The following ZNF773 variants were observed in gnomAD, a reference collection of about 807,000 sequenced individuals.
ZNF773 encodes the protein zinc finger protein 419B.
Under a neutral mutation model 12.8 loss-of-function variants are expected in ZNF773, and 11 were observed. The ratio of observed to expected loss-of-function variants is 0.86; its 90% confidence interval spans 0.54 to 1.42. The LOEUF (loss-of-function observed/expected upper bound fraction) is 1.42. ZNF773 is among the 40% of genes most tolerant of loss of function. ZNF773 has a pLI of 0.00. For missense variants in ZNF773, 518 were observed against 527.2 expected, an observed-to-expected ratio of 0.98 and a Z score of 0.17; for synonymous variants, 175 against 178.4, an observed-to-expected ratio of 0.98 and a Z score of 0.15.
chr19:57,501,221 G>C (rs780530284), intron 1 of ZNF773, among the ~76,000 whole-genome samples: 5 of 152,056 alleles, frequency 3.3e-5, no homozygotes, highest in Non-Finnish European at 5.9e-5. Flanking sequence ...GTCTTCAGGG[G>C]AGTATATAGC....
intron 1 of ZNF773, 32 bp from the exon 2 acceptor site, chr19:57,504,625 A>G (rs760286410): frequency 5.6e-6 from 9 of 1,611,102 alleles, no homozygotes; most frequent in East Asian, 2.2e-5. Context: ...CAGTAAGGAG[A>G]CCGCAGATAA....
At chr19:57,502,830 A>G (rs1472124471) in intron 1 of ZNF773, among the ~76,000 whole-genome samples, 2 of 152,236 alleles carry the variant, frequency 1.3e-5, no homozygotes, top group East Asian at 3.9e-4. Flanking sequence ...AGCTGGGACT[A>G]CAGGCACCTG....
intron 3 of ZNF773, 41 bp from the exon 4 acceptor site, chr19:57,506,317 C>A: frequency 6.4e-7 from 1 of 1,571,448 alleles, no homozygotes; most frequent in South Asian, 1.2e-5. Flanking sequence ...CTTCTCACAC[C>A]AAAGACTACA....
chr19:57,499,947 GGCGACCA>G lies in ZNF773; in HGVS notation c.-131_-125del, dbSNP rs2089648255. On this transcript the variant is annotated 5_prime_UTR_variant, in exon 1 of 4. Transcript: ENST00000282292. Reference sequence around the variant, plus strand: ...TTGCCGGAAGCTGGTTGTTCGCTGCGGCGACCAGCTCCGGAAAGCGCGGTGGGGACGC... The same window carrying G: ...TTGCCGGAAGCTGGTTGTTCGCTGCGGCTCCGGAAAGCGCGGTGGGGACGC... 1.6e-6 allele frequency: 2 copies of G among 1,224,760 alleles called. No homozygotes were observed. Among genetic ancestry groups the G allele is most frequent in the Non-Finnish European group, 2.2e-6 (2 of 906,328 alleles). 75.9% of individuals were successfully genotyped at this position (1,224,760 alleles called of 1,614,324 possible).
chr19:57,506,166 A>C (rs893001007), intron 3 of ZNF773, among the ~76,000 whole-genome samples, 192 bp from the exon 4 acceptor site: 6 of 152,100 alleles, frequency 3.9e-5, no homozygotes, highest in African/African-American at 1.2e-4. Context: ...CTTGGTGCTC[A>C]TGAGGCCTCC....
downstream of ZNF773, among the ~76,000 whole-genome samples, chr19:57,512,273 A>G (rs2089801349): frequency 6.6e-6 from 1 of 152,156 alleles, no homozygotes; most frequent in Admixed American, 6.6e-5. Flanking sequence ...TGTAGGTACT[A>G]TTTTATCATT....
intron 1 of ZNF773, among the ~76,000 whole-genome samples, chr19:57,501,518 G>A (rs2089670434): frequency 1.3e-5 from 2 of 152,108 alleles, no homozygotes; most frequent in Non-Finnish European, 2.9e-5. Context: ...TAGTCCTATT[G>A]AGTGAATACC....
At chr19:57,501,203 G>C (rs1416599649) in intron 1 of ZNF773, among the ~76,000 whole-genome samples, 1 of 152,084 alleles carries the variant, frequency 6.6e-6, no homozygotes, top group Non-Finnish European at 1.5e-5. Context: ...AGGGCTCTCA[G>C]CAGGATGGTC....
downstream of ZNF773, chr19:57,513,083 A>C: frequency 6.6e-7 from 1 of 1,517,952 alleles, no homozygotes; most frequent in Admixed American, 2.1e-5. Flanking sequence ...GGTCTGCTGG[A>C]GCAGAGAAAG....
At position 57,504,935 on chromosome 19, in the gene ZNF773, C is replaced by T; in HGVS notation, c.163+149C>T. ...AAGTAGCTATTGTAATAGGCCTGGG[C>T]TGTGTATACTACCACCTTCTCTCCC... On this transcript the variant is annotated intron_variant, in intron 2 of 3. Coordinates refer to ENST00000282292, the MANE Select transcript of ZNF773 (RefSeq NM_198542.3). The T allele has an allele frequency of 2.4e-6, 3 of 1,238,256 alleles. No homozygotes were observed. In the South Asian group the frequency reaches 3.8e-5, roughly 16 times the overall value. 76.7% of individuals were successfully genotyped at this position (1,238,256 alleles called of 1,614,324 possible).
chr19:57,514,783 G>A (rs571595243), downstream of ZNF773: 26 of 152,098 alleles, frequency 1.7e-4, no homozygotes, highest in Non-Finnish European at 2.9e-4. Context: ...GGGAAATGTC[G>A]ACTGCATGGC....
Position 57,506,811 on chromosome 19 carries a change from T to G in ZNF773, c.716T>G (p.Ile239Arg). 1.2e-6 allele frequency: 2 copies of G among 1,614,088 alleles called. No individual in the cohort carries two copies. Among genetic ancestry groups the G allele is most frequent in the Non-Finnish European group, 8.5e-7 (1 of 1,180,012 alleles). Residue 239 changes from isoleucine to arginine, a missense_variant, in exon 4 of 4, where the codon ATA becomes AGA. Transcript: ENST00000282292. ...AAGTCCAACCTTTTTATACACCAAA[T>G]AGTTCACACTGGAGAAAGGCCTTAT... The part of the protein sequence containing the change: ...SHKSNLFIHQ[I>R]VHTGERPYGC...
chr19:57,515,616 A>C (rs1315230027), downstream of ZNF773: 1 of 152,222 alleles, frequency 6.6e-6, no homozygotes, highest in Non-Finnish European at 1.5e-5. Context: ...GTCTGATGAC[A>C]TTGTCTGTCA....
rs1568577012 is a variant in ZNF773 at position 57,499,954 on chromosome 19, A to C, written c.-127A>C. The stretch of plus-strand genomic sequence containing the variant: ...AAGCTGGTTGTTCGCTGCGGCGACC[A>C]GCTCCGGAAAGCGCGGTGGGGACGC... On this transcript the variant is annotated 5_prime_UTR_variant, in exon 1 of 4. Coordinates refer to ENST00000282292, the MANE Select transcript of ZNF773 (RefSeq NM_198542.3). 5 of 1,283,018 alleles carry C rather than the reference A, an allele frequency of 3.9e-6. No homozygotes were observed. In the East Asian group the frequency reaches 1.4e-4, roughly 36 times the overall value. 79.5% of individuals were successfully genotyped at this position (1,283,018 alleles called of 1,614,324 possible). A position where few individuals can be genotyped will look rare whatever the true frequency, so the allele number is the denominator to read the frequency against.
chr19:57,502,252 G>A (rs2089679284), intron 1 of ZNF773, among the ~76,000 whole-genome samples: 1 of 152,116 alleles, frequency 6.6e-6, no homozygotes, highest in Non-Finnish European at 1.5e-5. Flanking sequence ...CAGATTATAT[G>A]TTATATGGAG....
intron 1 of ZNF773, among the ~76,000 whole-genome samples, chr19:57,501,443 A>G (rs907690937): frequency 1.0e-5 from 1 of 95,946 alleles, no homozygotes; most frequent in Non-Finnish European, 2.3e-5. Flanking sequence ...AGAAGCATTA[A>G]TTATGTGTAC....
chr19:57,507,477 C>G lies in ZNF773; in HGVS notation c.*53C>G. 2 of 1,538,028 alleles carry G rather than the reference C, an allele frequency of 1.3e-6. No homozygotes were observed. The highest frequency in any genetic ancestry group is 1.7e-6 in the Non-Finnish European group (2 of 1,148,670). ...CAACCTCATTCAACACCAGAAAGTT[C>G]ACAGTGTAAAAAAGTCTTGAAGGTT... On this transcript the variant is annotated 3_prime_UTR_variant, in exon 4 of 4. Coordinates refer to ENST00000282292, the MANE Select transcript of ZNF773 (RefSeq NM_198542.3).
chr19:57,504,566 A>G lies in ZNF773; in HGVS notation c.34-91A>G. ...GGTCTCTCTTCTGAGATGGGGATTA[A>G]GGAAGAGGGTGAGCAGGGGTGGATG... On this transcript the variant is annotated intron_variant, in intron 1 of 3. Coordinates refer to ENST00000282292, the MANE Select transcript of ZNF773 (RefSeq NM_198542.3). The G allele has an allele frequency of 1.9e-6, 3 of 1,558,498 alleles. No individual in the cohort carries two copies. In the South Asian group the frequency reaches 3.6e-5, roughly 19 times the overall value.
chr19:57,515,041 T>C (rs1192962337), downstream of ZNF773: 2 of 152,218 alleles, frequency 1.3e-5, no homozygotes, highest in East Asian at 3.8e-4. Context: ...TGGCAGTTAT[T>C]CAAGTTTTAC....
Sources: allele counts gnomAD v4.1 joint callset (sites outside exome capture counted in the v4.1 genomes callset), GRCh38; gene constraint gnomAD v4.1.1; transcripts MANE v1.5; gene names NCBI Gene and HGNC (gene_info 2026-07-23, HGNC 2026-07-21).